Variants in LONRF1 observed in about 807,000 individuals in gnomAD.
LONRF1 encodes the protein LON peptidase N-terminal domain and ring finger 1.
Under a neutral mutation model 85.8 loss-of-function variants are expected in LONRF1, and 37 were observed. The ratio of observed to expected loss-of-function variants is 0.43; its 90% confidence interval spans 0.33 to 0.57. The LOEUF is 0.57. LONRF1 is among the 20% of genes least tolerant of loss of function. The pLI is 0.04. For missense variants in LONRF1, 1,036 were observed against 978.0 expected, an observed-to-expected ratio of 1.06 and a Z score of -0.79; for synonymous variants, 517 against 390.1, an observed-to-expected ratio of 1.33 and a Z score of -3.83.
chr8:12,736,482 CA>C (rs1338292467), intron 6 of LONRF1, among the ~76,000 whole-genome samples: 2 of 152,140 alleles, frequency 1.3e-5, no homozygotes, highest in African/African-American at 4.8e-5. Context: ...GTAGGCCATG[CA>C]AAGCTTGATC....
chr8:12,735,995 T>C (rs1798701795), intron 6 of LONRF1, among the ~76,000 whole-genome samples: 1 of 152,162 alleles, frequency 6.6e-6, no homozygotes, highest in Non-Finnish European at 1.5e-5. Flanking sequence ...TTCTGAAACA[T>C]GATAGTTTTG....
chr8:12,746,505 G>C (rs1232512531), intron 1 of LONRF1, among the ~76,000 whole-genome samples: 1 of 152,086 alleles, frequency 6.6e-6, no homozygotes, highest in Non-Finnish European at 1.5e-5. Flanking sequence ...CTTTGCTTTG[G>C]GTCTTCCTCC....
intron 11 of LONRF1, among the ~76,000 whole-genome samples, chr8:12,725,433 T>C (rs1410349725): frequency 6.6e-6 from 1 of 152,134 alleles, no homozygotes; most frequent in Non-Finnish European, 1.5e-5. Flanking sequence ...AACATCCCGT[T>C]TTTAATTCCT....
At chr8:12,726,296 GTGTAGA>G (rs762871421) in intron 10 of LONRF1, among the ~76,000 whole-genome samples, 4 of 152,224 alleles carry the variant, frequency 2.6e-5, no homozygotes, top group Non-Finnish European at 5.9e-5. Flanking sequence ...AGTAGTTAGG[GTGTAGA>G]TGACATGACA....
At chr8:12,737,241 C>G in intron 4 of LONRF1, 101 bp from the exon 5 acceptor site, 1 of 1,328,684 alleles carries the variant, frequency 7.5e-7, no homozygotes. Flanking sequence ...CCTTATAATG[C>G]TCATTTTAAT....
chr8:12,752,613 G>GA (rs1286651693), intron 1 of LONRF1, among the ~76,000 whole-genome samples: 1 of 151,972 alleles, frequency 6.6e-6, no homozygotes, highest in Admixed American at 6.5e-5. Context: ...TATGCAACTT[G>GA]AAAAAAAGAG....
rs1048609161 is a variant in LONRF1 at position 12,722,579 on chromosome 8, T to C, written c.*517A>G. On this transcript the variant is annotated 3_prime_UTR_variant, in exon 12 of 12. Coordinates refer to ENST00000398246, the MANE Select transcript of LONRF1 (RefSeq NM_152271.5). The stretch of plus-strand genomic sequence containing the variant: ...ATGATCCTCAACACGATATTTTACA[T>C]ACTTGTGCAAATATAAGCATTAGGA... 9.8e-5 allele frequency: 15 copies of C among 152,850 alleles called. No homozygotes were observed. Among genetic ancestry groups the C allele is most frequent in the African/African-American group, 3.4e-4 (14 of 41,448 alleles). The allele number at this position is 152,850 out of a possible 1,614,324, so 9.5% of individuals were successfully genotyped here.
intron 9 of LONRF1, 46 bp from the exon 10 acceptor site, chr8:12,729,109 C>A: frequency 1.2e-6 from 2 of 1,611,610 alleles, no homozygotes; most frequent in Non-Finnish European, 8.5e-7. Flanking sequence ...CATAAACATG[C>A]AAGTTCTCAT....
In LONRF1 at chr8:12,729,339, G is replaced by A. The variant is rs367924614; in HGVS notation, c.1689-7C>T. 7.5e-6 allele frequency: 12 copies of A among 1,610,248 alleles called. No homozygotes were observed. The African/African-American group carries it at 1.3e-4, about 18-fold the overall frequency. On this transcript the variant is annotated splice_polypyrimidine_tract_variant and splice_region_variant and intron_variant, in intron 8 of 11. Transcript: ENST00000398246. ...TGGAACATTCTTGGTCAAGCTAAGG[G>A]AAAAACAGTTTAATTATTAGAATTC...
At chr8:12,753,639 A>G (rs1319001229) in intron 1 of LONRF1, 2 of 152,176 alleles carry the variant, frequency 1.3e-5, no homozygotes, top group Admixed American at 1.3e-4. Context: ...CCCCTGAGAG[A>G]GGGGAGATAA....
intron 10 of LONRF1, chr8:12,727,237 G>A (rs1417218258): frequency 3.4e-5 from 5 of 147,160 alleles, no homozygotes; most frequent in East Asian, 2.0e-4. Context: ...GATGAAAAAC[G>A]GAGCTGGCCA....
rs759287997 is a variant in LONRF1, at chr8:12,732,511, CTAAA to C, written c.1567-658_1567-655del. Reference sequence around the variant, plus strand: ...TAAAATCTTACATTTGCGCTGACCCCTAAATACTCTGAAAAAGTACTATCCTCAT... The same window carrying C: ...TAAAATCTTACATTTGCGCTGACCCCTACTCTGAAAAAGTACTATCCTCAT... On this transcript the variant is annotated intron_variant, in intron 7 of 11. Transcript: ENST00000398246. Among the ~76,000 whole-genome samples, 179 of 152,268 alleles carry C rather than the reference CTAAA, an allele frequency of 1.2e-3. 1 individual carries two copies. The highest frequency in any genetic ancestry group is 3.5e-3 in the East Asian group (18 of 5,166).
intron 1 of LONRF1, among the ~76,000 whole-genome samples, chr8:12,745,740 C>CA (rs1799127533): frequency 1.3e-5 from 2 of 152,064 alleles, no homozygotes; most frequent in African/African-American, 4.8e-5. Context: ...CAAAAGTTGT[C>CA]AAAATTTTGA....
chr8:12,732,787 G>C (rs114847348), intron 7 of LONRF1, among the ~76,000 whole-genome samples: 2 of 152,140 alleles, frequency 1.3e-5, no homozygotes, highest in African/African-American at 4.8e-5. Context: ...ATTGCTTAGG[G>C]TAGGGCCAGG....
chr8:12,732,750 T>C (rs1391646115), intron 7 of LONRF1, among the ~76,000 whole-genome samples: 2 of 152,322 alleles, frequency 1.3e-5, no homozygotes, highest in Admixed American at 6.5e-5. Flanking sequence ...TACACAGATA[T>C]ATTACATCTC....
chr8:12,755,500 G>C lies in LONRF1; in HGVS notation c.-80C>G, dbSNP rs970385632. The C allele has an allele frequency of 2.8e-6, 2 of 706,450 alleles. No individual in the cohort carries two copies. The highest frequency in any genetic ancestry group is 6.2e-5 in the South Asian group (1 of 16,032). The allele number at this position is 706,450 out of a possible 1,614,324, so 43.8% of individuals were successfully genotyped here. A position where few individuals can be genotyped will look rare whatever the true frequency, so the allele number is the denominator to read the frequency against. Reference sequence around the variant, plus strand: ...GGGCGCGCGGCTCCGCACGCGGCCCGCGAGCAGGGGGGCGTGGCGCGCGGA... The same window carrying C: ...GGGCGCGCGGCTCCGCACGCGGCCCCCGAGCAGGGGGGCGTGGCGCGCGGA... On this transcript the variant is annotated 5_prime_UTR_variant, in exon 1 of 12. Coordinates refer to ENST00000398246, the MANE Select transcript of LONRF1 (RefSeq NM_152271.5).
intron 11 of LONRF1, 69 bp from the exon 12 acceptor site, chr8:12,723,323 A>G (rs1235664912): frequency 7.0e-7 from 1 of 1,430,650 alleles, no homozygotes; most frequent in African/African-American, 1.4e-5. Context: ...GCAAACCACC[A>G]AAAAATTACT....
chr8:12,747,370 A>G (rs1299931545), intron 1 of LONRF1, among the ~76,000 whole-genome samples: 3 of 152,188 alleles, frequency 2.0e-5, no homozygotes, highest in Admixed American at 2.0e-4. Flanking sequence ...TTCACCTTCA[A>G]GAAAGTTTTT....
At chr8:12,743,114 C>T in intron 2 of LONRF1, 50 bp downstream of exon 2, 2 of 1,213,148 alleles carry the variant, frequency 1.6e-6, no homozygotes, top group Non-Finnish European at 2.4e-6. Flanking sequence ...ATGCATGTCC[C>T]TTATAGTTAA....
Sources: gnomAD v4.1 joint callset for allele counts (sites outside exome capture counted in the v4.1 genomes callset) on GRCh38, gnomAD v4.1.1 for gene constraint, MANE v1.5 for transcripts, NCBI Gene and HGNC (gene_info 2026-07-23, HGNC 2026-07-21) for gene names.